Variants in SLC28A3 observed in about 807,000 individuals in gnomAD.
SLC28A3 encodes concentrative Na(+)-nucleoside cotransporter 3.
SLC28A3 carries 68 observed loss-of-function variants against 84.2 expected under a neutral mutation model. The observed-to-expected ratio is 0.81, with a 90% confidence interval of 0.66 to 0.99. SLC28A3 has a LOEUF of 0.99. SLC28A3 is among the 50% of genes least tolerant of loss of function. The pLI is 0.00. For missense variants in SLC28A3, 712 were observed against 841.5 expected (o/e 0.85, Z 1.90); for synonymous variants, 267 against 303.6 (o/e 0.88, Z 1.25).
At chr9:84,339,883 C>T (rs193109657) in intron 1 of SLC28A3, among the ~76,000 whole-genome samples, 121 of 152,238 alleles carry the variant, frequency 7.9e-4, no homozygotes, top group African/African-American at 2.6e-3. Context: ...TCTAGCAGAC[C>T]GTAAAGTCCA....
chr9:84,313,391 C>T lies in SLC28A3; in HGVS notation c.124G>A (p.Val42Met). ...SGNNSIRSRA[V>M]QSREHTNTKQ... ...GTGTTTGTGTGCTCCCTGCTTTGCACAGCTCTGCTTCTTATTGAGTTGTTT... is the reference window on the plus strand; with the variant it reads ...GTGTTTGTGTGCTCCCTGCTTTGCATAGCTCTGCTTCTTATTGAGTTGTTT... Residue 42 changes from valine (V) to methionine (M), a missense_variant, in exon 2 of 18, where the codon GTG (valine) becomes ATG (methionine). Coordinates refer to ENST00000376238, the MANE Select transcript of SLC28A3 (RefSeq NM_001199633.2). The T allele has an allele frequency of 6.2e-7, 1 of 1,614,126 alleles. No homozygotes were observed. Among genetic ancestry groups the T allele is most frequent in the Non-Finnish European group, 8.5e-7 (1 of 1,179,992 alleles).
chr9:84,300,188 T>C (rs1270823496), intron 5 of SLC28A3, among the ~76,000 whole-genome samples: 4 of 152,210 alleles, frequency 2.6e-5, no homozygotes, highest in Admixed American at 6.5e-5. Context: ...TTTTTTTGAT[T>C]GTGGCTATCA....
In SLC28A3 at chr9:84,279,196, T is replaced by C; in HGVS notation, c.1949+69A>G. On this transcript the variant is annotated intron_variant, in intron 17 of 17. Coordinates refer to ENST00000376238, the MANE Select transcript of SLC28A3 (RefSeq NM_001199633.2). ...TCAAAAAAAAAAAAAAAAAAGTAAGTGGATATTTAGGTGTGATTTGATTGA... is the reference window on the plus strand; with the variant it reads ...TCAAAAAAAAAAAAAAAAAAGTAAGCGGATATTTAGGTGTGATTTGATTGA... 6.4e-6 allele frequency: 8 copies of C among 1,253,818 alleles called. 1 individual carries two copies. In the South Asian group the frequency reaches 1.8e-4, roughly 28 times the overall value. 77.7% of individuals were successfully genotyped at this position (1,253,818 alleles called of 1,614,324 possible).
chr9:84,344,698 G>A (rs1297739594), upstream of SLC28A3, among the ~76,000 whole-genome samples: 1 of 152,050 alleles, frequency 6.6e-6, no homozygotes, highest in Non-Finnish European at 1.5e-5. Context: ...CTTTATCTTA[G>A]CCTGAATATT....
At chr9:84,351,425 G>C in the SLC28A3 span, among the ~76,000 whole-genome samples, 1 of 152,184 alleles carries the variant, frequency 6.6e-6, no homozygotes, top group Admixed American at 6.5e-5. Context: ...TTGTGAGGCA[G>C]AGATGGGCTG....
At chr9:84,368,132 C>T in the SLC28A3 span, among the ~76,000 whole-genome samples, 1 of 152,100 alleles carries the variant, frequency 6.6e-6, no homozygotes, top group Non-Finnish European at 1.5e-5. Context: ...GGGCAGAGGT[C>T]CCTGTGGCTT....
the SLC28A3 span, among the ~76,000 whole-genome samples, chr9:84,355,156 T>A: frequency 6.6e-6 from 1 of 152,062 alleles, no homozygotes; most frequent in South Asian, 2.1e-4. Flanking sequence ...AGTGTGCAGA[T>A]GACATATTGC....
chr9:84,325,458 C>T (rs1005233748), intron 1 of SLC28A3, among the ~76,000 whole-genome samples: 4 of 152,186 alleles, frequency 2.6e-5, no homozygotes, highest in African/African-American at 9.7e-5. Context: ...GATGGAGTGA[C>T]TCCCTGACCC....
Position 84,294,248 on chromosome 9 carries a change from T to G in SLC28A3, c.889A>C (p.Thr297Pro), listed in dbSNP as rs1825335943. 1.9e-6 allele frequency: 3 copies of G among 1,614,042 alleles called. No homozygotes were observed. Among genetic ancestry groups the G allele is most frequent in the Non-Finnish European group, 2.5e-6 (3 of 1,180,000 alleles). Residue 297 changes from threonine (T) to proline (P), a missense_variant, in exon 9 of 18, where the codon ACT becomes CCT. Physicochemically the swap from Thr to Pro is conservative, Grantham distance 38. Coordinates refer to ENST00000376238, the MANE Select transcript of SLC28A3 (RefSeq NM_001199633.2). ...KVLPIVVFFSTVMSMLYYLGL... is the reference protein window; with the variant it reads ...KVLPIVVFFSPVMSMLYYLGL... ...AGGTAGTACAGCATGGACATCACAG[T>G]GCTGAAGAAAACCACGATCGGCAGG... is the stretch of plus-strand genomic sequence containing the variant.
At chr9:84,308,157 C>T (rs1336769035) in intron 3 of SLC28A3, among the ~76,000 whole-genome samples, 9 of 152,292 alleles carry the variant, frequency 5.9e-5, no homozygotes, top group Non-Finnish European at 7.4e-5. Flanking sequence ...GGGAGGATCA[C>T]CTGAGCCCAG....
intron 16 of SLC28A3, 40 bp downstream of exon 16, chr9:84,279,935 A>G: frequency 6.3e-7 from 1 of 1,594,712 alleles, no homozygotes; most frequent in East Asian, 2.3e-5. Flanking sequence ...GCTGCCATTC[A>G]TCCTGTGGGC....
In SLC28A3 at chr9:84,292,753, A is replaced by G; in HGVS notation, c.943-5T>C. The G allele has an allele frequency of 1.3e-6, 2 of 1,546,310 alleles. No homozygotes were observed. The highest frequency in any genetic ancestry group is 1.7e-6 in the Non-Finnish European group (2 of 1,152,178). ...AACTAGCATGATCCATCCAACCTAA[A>G]AGGAAGAAAGGGACAAAGTCAGCAA... On this transcript the variant is annotated splice_region_variant and splice_polypyrimidine_tract_variant and intron_variant, in intron 9 of 17. Coordinates refer to ENST00000376238, the MANE Select transcript of SLC28A3 (RefSeq NM_001199633.2).
At chr9:84,319,749 A>G (rs1391420029) in intron 1 of SLC28A3, among the ~76,000 whole-genome samples, 1 of 152,138 alleles carries the variant, frequency 6.6e-6, no homozygotes, top group Non-Finnish European at 1.5e-5. Flanking sequence ...AGACACTGCC[A>G]TAAGAACTTC....
intron 8 of SLC28A3, 93 bp downstream of exon 8, chr9:84,297,128 T>A: frequency 1.0e-6 from 1 of 975,440 alleles, no homozygotes. Flanking sequence ...GGTATATACC[T>A]GGTTTTTGGT....
intron 3 of SLC28A3, among the ~76,000 whole-genome samples, chr9:84,308,877 G>A (rs1564162683): frequency 6.6e-6 from 1 of 152,162 alleles, no homozygotes; most frequent in Non-Finnish European, 1.5e-5. Flanking sequence ...CCTACCTTAC[G>A]GAGTTGTAAG....
At chr9:84,281,188 C>T (rs1475725262) in intron 14 of SLC28A3, among the ~76,000 whole-genome samples, 3 of 152,146 alleles carry the variant, frequency 2.0e-5, no homozygotes, top group Non-Finnish European at 4.4e-5. Context: ...ACCTGGCCAT[C>T]TGCTACAGTG....
At chr9:84,350,334 C>T in the SLC28A3 span, among the ~76,000 whole-genome samples, 40,088 of 151,730 alleles carry the variant, frequency 0.26, 7,050 homozygotes, top group African/African-American at 0.5. Context: ...CCCAGCTACT[C>T]GGGAGGCTGA....
At position 84,278,191 on chromosome 9, in the gene SLC28A3, A is replaced by G. The variant is rs371870193; in HGVS notation, c.*27T>C. The G allele has an allele frequency of 3.7e-6, 6 of 1,608,734 alleles. No individual in the cohort carries two copies. Among genetic ancestry groups the G allele is most frequent in the African/African-American group, 1.3e-5 (1 of 74,710 alleles). On this transcript the variant is annotated 3_prime_UTR_variant, in exon 18 of 18. Coordinates refer to ENST00000376238, the MANE Select transcript of SLC28A3 (RefSeq NM_001199633.2). ...GCAGAAAATTCAGCATCTGTACTTC[A>G]GAGTTCCACTGGAGAAGTGGCTGAC...
intron 8 of SLC28A3, among the ~76,000 whole-genome samples, chr9:84,296,847 A>C (rs1167494208): frequency 6.6e-6 from 1 of 152,258 alleles, no homozygotes; most frequent in Non-Finnish European, 1.5e-5. Flanking sequence ...TGGACCCATC[A>C]GCCATTCACT....
Sources: gnomAD v4.1 joint callset for allele counts (sites outside exome capture counted in the v4.1 genomes callset) on GRCh38, gnomAD v4.1.1 for gene constraint, MANE v1.5 for transcripts, NCBI Gene and HGNC (gene_info 2026-07-23, HGNC 2026-07-21) for gene names.